The following EFS variants were observed in gnomAD, a reference collection of about 807,000 sequenced individuals.
The protein encoded by EFS is Cas scaffolding protein family member 3.
EFS carries 34 observed loss-of-function variants against 42.2 expected under a neutral mutation model. That is an observed-to-expected ratio of 0.81 (90% CI 0.61 to 1.07). EFS has a LOEUF of 1.07. Among genes scored for constraint, EFS ranks in the 50% least tolerant of loss-of-function variants. The pLI is 0.00. For missense variants in EFS, 717 were observed against 729.4 expected, an observed-to-expected ratio of 0.98 and a Z score of 0.20; for synonymous variants, 299 against 320.7, an observed-to-expected ratio of 0.93 and a Z score of 0.72.
In EFS at chr14:23,365,011, C is replaced by CGTGGCA; in HGVS notation, c.9_14dup (p.Ala4_Thr5dup). ...CTCCACTCCCTGGTGGACTCACCGA[C>CGTGGCA]GTGGCAATGGCCATGGCTTTGGCCT... On this transcript the variant is annotated inframe_insertion, in exon 1 of 6. Coordinates refer to ENST00000216733, the MANE Select transcript of EFS (RefSeq NM_005864.4). This position sits in a 1 kb window ranked among gnomAD's most constrained non-coding sequence, Gnocchi z 5.3. The CGTGGCA allele has an allele frequency of 7.5e-7, 1 of 1,339,448 alleles. No individual in the cohort carries two copies. The highest frequency in any genetic ancestry group is 9.7e-7 in the Non-Finnish European group (1 of 1,034,586). The allele number at this position is 1,339,448 out of a possible 1,614,324, so 83.0% of individuals were successfully genotyped here. A position where few individuals can be genotyped will look rare whatever the true frequency, so the allele number is the denominator to read the frequency against.
rs1889972300 is a variant in EFS at position 23,357,631 on chromosome 14, AACCAGTGGCTCCCCTGGGG to A, written c.1262_1280del (p.Ser421LeufsTer31). The A allele has an allele frequency of 6.5e-7, 1 of 1,549,864 alleles. No individual in the cohort carries two copies. The highest frequency in any genetic ancestry group is 1.8e-5 in the Admixed American group (1 of 56,058). On this transcript the variant is annotated frameshift_variant, in exon 6 of 6. Coordinates refer to ENST00000216733, the MANE Select transcript of EFS (RefSeq NM_005864.4). LOFTEE classifies it high-confidence loss of function. The stretch of plus-strand genomic sequence containing the variant: ...GGAGCTGCAGATCTCCGGTGGACAC[AACCAGTGGCTCCCCTGGGG>A]ACAGGGCCTCCTGAAGGGCAAGAGG...
At chr14:23,358,733 G>T in intron 5 of EFS, 143 bp downstream of exon 5, 1 of 613,814 alleles carries the variant, frequency 1.6e-6, no homozygotes, top group African/African-American at 1.9e-5. Context: ...TTTCTAACTT[G>T]CCTCCGCTCT....
In EFS at chr14:23,359,739, C is replaced by T. The variant is rs1890063604; in HGVS notation, c.739G>A (p.Gly247Ser). The change falls in exon 4 of 6, where the codon GGC becomes AGC. Residue 247 changes from glycine (G) to serine (S), a missense_variant. By Grantham distance (56) the Gly-to-Ser change is moderately conservative. Transcript: ENST00000216733. ...ACATCGTAGATCCCCTCATCAGTGC[C>T]CCCGCCCTCCCCGTCTGCCAGCAGT... ...EELLADGEGG[G>S]TDEGIYDVPL... The T allele has an allele frequency of 6.6e-7, 1 of 1,516,400 alleles. No homozygotes were observed. The highest frequency in any genetic ancestry group is 8.8e-7 in the Non-Finnish European group (1 of 1,134,108). 93.9% of individuals were successfully genotyped at this position (1,516,400 alleles called of 1,614,324 possible).
rs762807885 is a variant in EFS, at chr14:23,359,311, G to A, written c.1161+6C>T. ...CCTCCTGGTGGGGCTGCCAAGGGGC[G>A]CTCACCTTCAGGTGGACATAGTCAT... On this transcript the variant is annotated splice_donor_region_variant and intron_variant, in intron 4 of 5. Transcript: ENST00000216733. The A allele has an allele frequency of 3.8e-5, 61 of 1,612,466 alleles. 1 individual carries two copies. The Middle Eastern group carries it at 2.5e-3, about 67-fold the overall frequency.
Position 23,359,386 on chromosome 14 carries a change from G to T in EFS, c.1092C>A (p.Asp364Glu). 6.2e-7 allele frequency: 1 copy of T among 1,612,680 alleles called. No individual in the cohort carries two copies. ...GDPEGREMED[D>E]PAGHHNEYEG... Reference sequence around the variant, plus strand: ...CGTACTCATTGTGGTGTCCTGCTGGGTCATCCTCCATCTCCCTGCCCTCTG... The same window carrying T: ...CGTACTCATTGTGGTGTCCTGCTGGTTCATCCTCCATCTCCCTGCCCTCTG... The change falls in exon 4 of 6, where the codon GAC (aspartate) becomes GAA (glutamate). Residue 364 changes from aspartate to glutamate, a missense_variant. Asp to Glu is a conservative substitution (Grantham distance 45). Transcript: ENST00000216733.
At chr14:23,358,184 A>G (rs1889991248) in intron 5 of EFS, among the ~76,000 whole-genome samples, 1 of 152,236 alleles carries the variant, frequency 6.6e-6, no homozygotes, top group Non-Finnish European at 1.5e-5. Context: ...AGTGCTCAAT[A>G]GCCATATGTA....
rs1270401538 is a variant in EFS at position 23,356,930 on chromosome 14, A to G, written c.*296T>C. ...GGTGGGTGGTAGTGCAGTGACCTCC[A>G]CCCTAGGCTGAGGAGAGAAGGATCT... On this transcript the variant is annotated 3_prime_UTR_variant, in exon 6 of 6. Transcript: ENST00000216733. The G allele has an allele frequency of 4.1e-6, 1 of 244,570 alleles. No homozygotes were observed. Among genetic ancestry groups the G allele is most frequent in the Non-Finnish European group, 7.7e-6 (1 of 129,278 alleles). The allele number at this position is 244,570 out of a possible 1,614,324, so 15.1% of individuals were successfully genotyped here.
In EFS at chr14:23,358,939, C is replaced by A; in HGVS notation, c.1188G>T (p.Arg396Ser). 6.2e-7 allele frequency: 1 copy of A among 1,612,818 alleles called. No homozygotes were observed. Among genetic ancestry groups the A allele is most frequent in the Non-Finnish European group, 8.5e-7 (1 of 1,179,486 alleles). Residue 396 changes from arginine (R) to serine (S), a missense_variant, in exon 5 of 6, where the codon AGG becomes AGT. Transcript: ENST00000216733. ...CCCCTGTGCAGGCCTGATCCGGGGGCCTAGATCCCTGAGCTTTGTCCATGC... is the reference window on the plus strand; with the variant it reads ...CCCCTGTGCAGGCCTGATCCGGGGGACTAGATCCCTGAGCTTTGTCCATGC... ...LKGMDKAQGS[R>S]PPDQACTGDP...
chr14:23,360,278 A>G lies in EFS; in HGVS notation c.301T>C (p.Tyr101His). The G allele has an allele frequency of 6.2e-7, 1 of 1,609,290 alleles. No homozygotes were observed. The highest frequency in any genetic ancestry group is 2.2e-5 in the East Asian group (1 of 44,808). ...GGCCGAGCTGGGGGCGGCACCACAT[A>G]CACCTGAGGGATCAAATAGATGGGG... ...PDHSNEDQEV[Y>H]VVPPPARPCP... is the part of the protein sequence containing the mutation. Residue 101 changes from tyrosine (Y) to histidine (H), a missense_variant, in exon 3 of 6, where the codon TAT (tyrosine) becomes CAT (histidine). By Grantham distance (83) the Tyr-to-His change is moderately conservative. Coordinates refer to ENST00000216733, the MANE Select transcript of EFS (RefSeq NM_005864.4).
At chr14:23,360,316 C>T (rs754271725) in intron 2 of EFS, 35 bp from the exon 3 acceptor site, 26 of 1,582,958 alleles carry the variant, frequency 1.6e-5, no homozygotes, top group Admixed American at 3.5e-5. Context: ...TCAGGAGGAA[C>T]GGAGGGGCCG....
Position 23,359,359 on chromosome 14 carries a change from C to A in EFS, c.1119G>T (p.Glu373Asp), listed in dbSNP as rs1890037453. Residue 373 changes from glutamate to aspartate, a missense_variant, in exon 4 of 6, where the codon GAG becomes GAT. By Grantham distance (45) the Glu-to-Asp change is conservative (BLOSUM62 2). Coordinates refer to ENST00000216733, the MANE Select transcript of EFS (RefSeq NM_005864.4). ...CATACTCCTCGGCCATCGGAATGCC[C>A]TCGTACTCATTGTGGTGTCCTGCTG... Reference protein sequence around the residue: ...DDPAGHHNEYEGIPMAEEYDY... With the variant: ...DDPAGHHNEYDGIPMAEEYDY... 1 of 1,613,186 alleles carries A rather than the reference C, an allele frequency of 6.2e-7. No homozygotes were observed. The highest frequency in any genetic ancestry group is 1.1e-5 in the South Asian group (1 of 91,074).
Position 23,360,773 on chromosome 14 carries a change from G to C in EFS, c.79C>G (p.Arg27Gly). Residue 27 changes from arginine (R) to glycine (G), a missense_variant, in exon 2 of 6, where the codon CGC becomes GGC. Transcript: ENST00000216733. ...TAESPQELSF[R>G]RGDVLRVLQR... is the part of the protein sequence containing the mutation. ...AGGACCCGTAGGACATCCCCTCGGC[G>C]GAAGGACAGCTCCTGGGGGGACTCA... 6.2e-7 allele frequency: 1 copy of C among 1,613,998 alleles called. No homozygotes were observed. Among genetic ancestry groups the C allele is most frequent in the East Asian group, 2.2e-5 (1 of 44,872 alleles).
rs749866850 is a variant in EFS, at chr14:23,357,366, G to A, written c.1546C>T (p.Arg516Trp). The change falls in exon 6 of 6, where the codon CGG (arginine) becomes TGG (tryptophan). Residue 516 changes from arginine (R) to tryptophan (W), a missense_variant. Coordinates refer to ENST00000216733, the MANE Select transcript of EFS (RefSeq NM_005864.4). ...AAGTALGQALRATVLAVKGAA... is the reference protein window; with the variant it reads ...AAGTALGQALWATVLAVKGAA... Reference sequence around the variant, plus strand: ...CCCTTGACAGCCAGCACAGTGGCCCGCAATGCCTGGCCCAGTGCTGTACCT... The same window carrying A: ...CCCTTGACAGCCAGCACAGTGGCCCACAATGCCTGGCCCAGTGCTGTACCT... 50 of 1,610,632 alleles carry A rather than the reference G, an allele frequency of 3.1e-5. No homozygotes were observed. Among genetic ancestry groups the A allele is most frequent in the South Asian group, 1.2e-4 (11 of 90,870 alleles).
Position 23,359,869 on chromosome 14 carries a change from A to G in EFS, c.609T>C (p.Asp203=). 6.5e-7 allele frequency: 1 copy of G among 1,529,950 alleles called. No homozygotes were observed. The highest frequency in any genetic ancestry group is 8.8e-7 in the Non-Finnish European group (1 of 1,141,698). 94.8% of individuals were successfully genotyped at this position (1,529,950 alleles called of 1,614,324 possible). A position where few individuals can be genotyped will look rare whatever the true frequency, so the allele number is the denominator to read the frequency against. Residue 203 remains aspartate, a synonymous_variant, in exon 4 of 6, where the codon GAT becomes GAC. Transcript: ENST00000216733. ...GCTCCCGGCCTCCTTCCCACTCCAG[A>G]TCTGGTTCCAGCTCTGCAGGTGGCT... ...TPKPPAELEP[D]LEWEGGREPG...
Position 23,359,940 on chromosome 14 carries a change from G to A in EFS, c.538C>T (p.Pro180Ser), listed in dbSNP as rs575887252. ...TAGGGAGCATCATCCTCTCCAGGGGGCTGCGGGGCAACCCGGGTCAGAGGG... is the reference window on the plus strand; with the variant it reads ...TAGGGAGCATCATCCTCTCCAGGGGACTGCGGGGCAACCCGGGTCAGAGGG... ...SHPLTRVAPQ[P>S]PGEDDAPYDV... The change falls in exon 4 of 6, where the codon CCC (proline) becomes TCC (serine). Residue 180 changes from proline (P) to serine (S), a missense_variant. By Grantham distance (74) the Pro-to-Ser change is moderately conservative. Transcript: ENST00000216733. 13 of 1,563,256 alleles carry A rather than the reference G, an allele frequency of 8.3e-6. No homozygotes were observed. The African/African-American group carries it at 1.5e-4, about 18-fold the overall frequency.
Position 23,357,719 on chromosome 14 carries a change from A to G in EFS, c.1252-59T>C, listed in dbSNP as rs574139622. The G allele has an allele frequency of 3.1e-5, 43 of 1,375,902 alleles. No homozygotes were observed. The African/African-American group carries it at 6.0e-4, about 19-fold the overall frequency. 85.2% of individuals were successfully genotyped at this position (1,375,902 alleles called of 1,614,324 possible). ...TCTCATGAGTGCCATTTCCTCCCTC[A>G]CTTCTTTTCTCCTTCCTCTCTTTCT... On this transcript the variant is annotated intron_variant, in intron 5 of 5. Transcript: ENST00000216733.
chr14:23,363,368 C>T (rs953436946), intron 1 of EFS, among the ~76,000 whole-genome samples: 5 of 152,096 alleles, frequency 3.3e-5, no homozygotes, highest in African/African-American at 4.8e-5. Context: ...CATGAGATAA[C>T]GCATAAAGAA....
chr14:23,357,845 T>C (rs1889980637), intron 5 of EFS, among the ~76,000 whole-genome samples, 185 bp from the exon 6 acceptor site: 2 of 152,218 alleles, frequency 1.3e-5, no homozygotes, highest in Non-Finnish European at 1.5e-5. Flanking sequence ...CAGATAGATC[T>C]GGATTCAAAC....
intron 5 of EFS, among the ~76,000 whole-genome samples, chr14:23,358,382 A>C (rs1407911706): frequency 2.6e-5 from 4 of 152,250 alleles, no homozygotes; most frequent in African/African-American, 9.6e-5. Flanking sequence ...AGGGTCTGGC[A>C]CTTGGTAAAT....
Sources: allele counts gnomAD v4.1 joint callset (sites outside exome capture counted in the v4.1 genomes callset), GRCh38; gene constraint gnomAD v4.1.1; non-coding constraint Gnocchi (gnomAD v3.1); transcripts MANE v1.5; gene names NCBI Gene and HGNC (gene_info 2026-07-23, HGNC 2026-07-21).